Variants in LMO3 observed in about 807,000 individuals in gnomAD.
LMO3 encodes the protein LIM domain only protein 3.
LMO3 carries 2 observed loss-of-function variants against 15.8 expected under a neutral mutation model. The observed-to-expected ratio is 0.13, with a 90% CI of 0.05 to 0.40. The LOEUF (loss-of-function observed/expected upper bound fraction) is 0.40. Ranked by LOEUF, LMO3 falls within the 10% of genes least tolerant of loss-of-function variation. The probability of loss-of-function intolerance (pLI) is 0.99; values close to 1 mark genes in which losing one functional copy is unlikely to be tolerated. For missense variants in LMO3, 86 were observed against 182.2 expected (o/e 0.47, Z 3.04); for synonymous variants, 62 against 63.8 (o/e 0.97, Z 0.13).
At chr12:16,600,634 G>A in intron 2 of LMO3, 21 bp downstream of exon 2, 1 of 1,597,020 alleles carries the variant, frequency 6.3e-7, no homozygotes, top group Non-Finnish European at 8.6e-7. Context: ...GTCATCACTG[G>A]TGTGCAAGGA....
At chr12:16,572,238 C>T (rs193300967) in intron 2 of LMO3, among the ~76,000 whole-genome samples, 41 of 151,142 alleles carry the variant, frequency 2.7e-4, no homozygotes, top group African/African-American at 9.5e-4. Context: ...TAAAGCTCTA[C>T]AGAAGGAATT....
intron 2 of LMO3, among the ~76,000 whole-genome samples, chr12:16,571,488 A>G (rs1031524508): frequency 6.6e-6 from 1 of 152,084 alleles, no homozygotes; most frequent in African/African-American, 2.4e-5. Context: ...TATAGATTGA[A>G]TATCTCTAAA....
At chr12:16,563,873 T>C (rs1399932623) in intron 2 of LMO3, among the ~76,000 whole-genome samples, 1 of 152,246 alleles carries the variant, frequency 6.6e-6, no homozygotes, top group Non-Finnish European at 1.5e-5. Context: ...TTGCTCATTT[T>C]AAGATGTCTT....
At position 16,548,914 on chromosome 12, in the gene LMO3, G is replaced by A. The variant is rs540535200; in HGVS notation, c.*2308C>T. ...TAAGAAATAATTCTCAGCATATTAT[G>A]TAAAAGAAAAAGCAGTGAAAACCTT... On this transcript the variant is annotated 3_prime_UTR_variant, in exon 4 of 4. Coordinates refer to ENST00000537304, the MANE Select transcript of LMO3 (RefSeq NM_018640.5). This position sits in a 1 kb window ranked among gnomAD's most constrained non-coding sequence, Gnocchi z 4.2. 6.6e-6 allele frequency: 1 copy of A among 152,234 alleles called. No homozygotes were observed. Among genetic ancestry groups the A allele is most frequent in the African/African-American group, 2.4e-5 (1 of 41,550 alleles). The allele number at this position is 152,234 out of a possible 1,614,324, so 9.4% of individuals were successfully genotyped here.
chr12:16,595,262 A>G (rs1461556655), intron 2 of LMO3, among the ~76,000 whole-genome samples: 1 of 151,454 alleles, frequency 6.6e-6, no homozygotes, highest in Non-Finnish European at 1.5e-5. Context: ...ACAAACTAAA[A>G]CAAAAAGCCA....
chr12:16,551,346 A>G lies in LMO3; in HGVS notation c.333-19T>C. 1 of 1,421,372 alleles carries G rather than the reference A, an allele frequency of 7.0e-7. No homozygotes were observed. Among genetic ancestry groups the G allele is most frequent in the East Asian group, 2.3e-5 (1 of 43,962 alleles). 88.0% of individuals were successfully genotyped at this position (1,421,372 alleles called of 1,614,324 possible). The stretch of plus-strand genomic sequence containing the variant: ...ACAAAATCTGAAAATATTTTAAACA[A>G]TAAAATGTGGTTAAGACCATTTCAC... On this transcript the variant is annotated intron_variant, in intron 3 of 3. Transcript: ENST00000537304.
intron 2 of LMO3, chr12:16,600,291 C>CAAAAAAAAAAA (rs35993210): frequency 3.0e-4 from 21 of 69,682 alleles, no homozygotes; most frequent in South Asian, 1.0e-3. Context: ...CCTTAAGCTC[C>CAAAAAAAAAAA]AAAAAAAAAA....
intron 2 of LMO3, among the ~76,000 whole-genome samples, chr12:16,561,757 T>C (rs1591778539): frequency 1.3e-5 from 2 of 152,204 alleles, no homozygotes; most frequent in African/African-American, 4.8e-5. Flanking sequence ...TGGAAACAGT[T>C]GTGAGAATGG....
intron 2 of LMO3, among the ~76,000 whole-genome samples, chr12:16,573,001 G>A (rs1413412816): frequency 5.9e-5 from 9 of 151,532 alleles, no homozygotes; most frequent in Admixed American, 4.6e-4. Context: ...TTTTTTAAAG[G>A]AGTGCAATTC....
At chr12:16,608,588 A>G (rs1292131304), upstream of LMO3, 1 of 152,110 alleles carries the variant, frequency 6.6e-6, no homozygotes. This position sits in a 1 kb window ranked among gnomAD's most constrained non-coding sequence, Gnocchi z 4.1. Flanking sequence ...TTAAGGGACA[A>G]ACACCCAGAT....
At position 16,555,543 on chromosome 12, in the gene LMO3, C is replaced by G. The variant is rs1287463655; in HGVS notation, c.333-4216G>C. On this transcript the variant is annotated intron_variant, in intron 3 of 3. Transcript: ENST00000537304. This position sits in a 1 kb window ranked among gnomAD's most constrained non-coding sequence, Gnocchi z 5.5. Reference sequence around the variant, plus strand: ...GGTTAAGGTAGATTTATTCCAGAAACCAACAGCTTTAAATAACAAATGTAT... The same window carrying G: ...GGTTAAGGTAGATTTATTCCAGAAAGCAACAGCTTTAAATAACAAATGTAT... Among the ~76,000 whole-genome samples the G allele has an allele frequency of 6.6e-6, 1 of 152,170 alleles. No homozygotes were observed. The highest frequency in any genetic ancestry group is 1.5e-5 in the Non-Finnish European group (1 of 68,028).
At chr12:16,568,828 GAC>G (rs1173482143) in intron 2 of LMO3, among the ~76,000 whole-genome samples, 2 of 152,100 alleles carry the variant, frequency 1.3e-5, no homozygotes, top group Non-Finnish European at 2.9e-5. Context: ...CTGGATATAT[GAC>G]AGTTATAACT....
At chr12:16,595,285 A>G (rs1274004501) in intron 2 of LMO3, among the ~76,000 whole-genome samples, 2 of 151,530 alleles carry the variant, frequency 1.3e-5, no homozygotes, top group African/African-American at 4.8e-5. Context: ...AAAGTAAAAT[A>G]ATTATATTAT....
At position 16,584,867 on chromosome 12, in the gene LMO3, T is replaced by A. The variant is rs1205888516; in HGVS notation, c.206+15788A>T. Reference sequence around the variant, plus strand: ...AGGGCTCTGATCCTCTCTTCAAGAATTCAGGATGCGAGGAAATATTTTCAA... The same window carrying A: ...AGGGCTCTGATCCTCTCTTCAAGAAATCAGGATGCGAGGAAATATTTTCAA... On this transcript the variant is annotated intron_variant, in intron 2 of 3. Transcript: ENST00000537304. This position sits in a 1 kb window ranked among gnomAD's most constrained non-coding sequence, Gnocchi z 5.2. 1.3e-5 allele frequency among the ~76,000 whole-genome samples: 2 copies of A among 152,154 alleles called. No homozygotes were observed. The highest frequency in any genetic ancestry group is 3.9e-4 in the East Asian group (2 of 5,184).
At chr12:16,590,177 G>T (rs1357197193) in intron 2 of LMO3, among the ~76,000 whole-genome samples, 2 of 152,008 alleles carry the variant, frequency 1.3e-5, no homozygotes, top group Non-Finnish European at 2.9e-5. Flanking sequence ...GTTATAAATA[G>T]AAATTAATAT....
In LMO3 at chr12:16,587,102, C is replaced by A. The variant is rs888874498; in HGVS notation, c.206+13553G>T. Among the ~76,000 whole-genome samples the A allele has an allele frequency of 1.4e-4, 22 of 152,132 alleles. No homozygotes were observed. Among genetic ancestry groups the A allele is most frequent in the African/African-American group, 4.3e-4 (18 of 41,432 alleles). Reference sequence around the variant, plus strand: ...TAATGCATTTAACTACCAAACTATGCCCACAAGGGTACTTGGACAATGGCT... The same window carrying A: ...TAATGCATTTAACTACCAAACTATGACCACAAGGGTACTTGGACAATGGCT... On this transcript the variant is annotated intron_variant, in intron 2 of 3. Transcript: ENST00000537304. This position sits in a 1 kb window ranked among gnomAD's most constrained non-coding sequence, Gnocchi z 4.3.
At chr12:16,601,408 C>A (rs1943819973) in intron 1 of LMO3, among the ~76,000 whole-genome samples, 1 of 152,176 alleles carries the variant, frequency 6.6e-6, no homozygotes, top group African/African-American at 2.4e-5. Context: ...CACAGAACAG[C>A]TACCCAAAAA....
chr12:16,578,818 AAACAACAAC>A (rs201327858), intron 2 of LMO3, among the ~76,000 whole-genome samples: 32,305 of 141,002 alleles, frequency 0.23, 4,259 homozygotes, highest in South Asian at 0.31. Flanking sequence ...ATTCTGTCTC[AAACAACAAC>A]AACAACAACA....
chr12:16,606,071 C>T lies in LMO3; in HGVS notation c.-14G>A, dbSNP rs778408588. The T allele has an allele frequency of 1.8e-5, 9 of 491,546 alleles. No homozygotes were observed. Among genetic ancestry groups the T allele is most frequent in the African/African-American group, 4.0e-5 (2 of 49,954 alleles). 30.4% of individuals were successfully genotyped at this position (491,546 alleles called of 1,614,324 possible). A position where few individuals can be genotyped will look rare whatever the true frequency, so the allele number is the denominator to read the frequency against. ...TACACAGTTGCTGCACTTACCTTCT[C>T]AATTAAGCGATACAGGGGGAGGCCG... On this transcript the variant is annotated 5_prime_UTR_variant, in exon 1 of 4. Transcript: ENST00000537304.
Sources: allele counts gnomAD v4.1 joint callset (sites outside exome capture counted in the v4.1 genomes callset), GRCh38; gene constraint gnomAD v4.1.1; non-coding constraint Gnocchi (gnomAD v3.1); transcripts MANE v1.5; gene names NCBI Gene and HGNC (gene_info 2026-07-23, HGNC 2026-07-21).